Variants in EPRS1 observed in about 807,000 individuals in gnomAD.
EPRS1 encodes glutamyl-prolyl-tRNA synthetase 1, also known as bifunctional glutamate/proline--tRNA ligase.
Under a neutral mutation model 188.3 loss-of-function variants are expected in EPRS1, and 107 were observed. The ratio of observed to expected loss-of-function variants is 0.57; its 90% CI spans 0.49 to 0.67. The LOEUF is 0.67. EPRS1 is among the 30% of genes least tolerant of loss of function. The probability of loss-of-function intolerance (pLI) is 0.00; values close to 1 mark genes in which losing one functional copy is unlikely to be tolerated. For missense variants in EPRS1, 1,577 were observed against 1,802.2 expected (o/e 0.88, Z 2.26); for synonymous variants, 596 against 593.1 (o/e 1.00, Z -0.07).
chr1:220,038,365 A>T (rs541100747), intron 2 of EPRS1, among the ~76,000 whole-genome samples: 14 of 147,378 alleles, frequency 9.5e-5, no homozygotes, highest in African/African-American at 2.8e-4. Context: ...TAAAGGCCTA[A>T]GCCACCACAC....
rs1473008461 is a variant in EPRS1, at chr1:219,997,213, T to C, written c.2311A>G (p.Lys771Glu). 6.2e-7 allele frequency: 1 copy of C among 1,614,132 alleles called. No homozygotes were observed. Residue 771 changes from lysine to glutamate, a missense_variant, in exon 18 of 32, where the codon AAA becomes GAA. By Grantham distance (56) the Lys-to-Glu change is moderately conservative. Transcript: ENST00000366923. Reference protein sequence around the residue: ...GDVVRELKAKKAPKEDVDAAV... With the variant: ...GDVVRELKAKEAPKEDVDAAV... ...GCATCTACATCTTCCTTTGGTGCTTTCTTGGCTTTTAATTCACGAACCACA... is the reference window on the plus strand; with the variant it reads ...GCATCTACATCTTCCTTTGGTGCTTCCTTGGCTTTTAATTCACGAACCACA...
chr1:219,994,407 C>G (rs750525535), intron 18 of EPRS1, among the ~76,000 whole-genome samples: 1 of 152,084 alleles, frequency 6.6e-6, no homozygotes, highest in Non-Finnish European at 1.5e-5. Context: ...AAATAATTAT[C>G]TTGTCTTTAT....
intron 9 of EPRS1, among the ~76,000 whole-genome samples, chr1:220,020,870 A>ATATG (rs1219334636): frequency 2.8e-4 from 22 of 77,302 alleles, no homozygotes; most frequent in Admixed American, 6.9e-4. Context: ...ATATATATAT[A>ATATG]TTAGTGCATT....
intron 15 of EPRS1, 59 bp downstream of exon 15, chr1:220,006,047 A>T (rs571344990): frequency 4.0e-5 from 40 of 988,162 alleles, no homozygotes; most frequent in East Asian, 1.9e-4. Context: ...TATAAAATTA[A>T]TTTTTTTAAT....
rs759167401 is a variant in EPRS1 at position 219,968,797 on chromosome 1, G to A, written c.*9C>T. Reference sequence around the variant, plus strand: ...GAGAGGAGTTGAAGAGGGGGCTTTCGTTCATCCCTCAGTAGCTGCGACCAA... The same window carrying A: ...GAGAGGAGTTGAAGAGGGGGCTTTCATTCATCCCTCAGTAGCTGCGACCAA... On this transcript the variant is annotated 3_prime_UTR_variant, in exon 32 of 32. Transcript: ENST00000366923. 2.5e-6 allele frequency: 4 copies of A among 1,613,726 alleles called. No individual in the cohort carries two copies. The South Asian group carries it at 3.3e-5, about 13-fold the overall frequency.
chr1:220,015,493 A>C (rs1661684976), intron 12 of EPRS1, among the ~76,000 whole-genome samples: 1 of 142,796 alleles, frequency 7.0e-6, no homozygotes, highest in African/African-American at 2.7e-5. Context: ...AAAAGAGAAA[A>C]GACAAGACAA....
chr1:220,046,379 G>T lies in EPRS1; in HGVS notation c.10C>A (p.Leu4Ile). The stretch of plus-strand genomic sequence containing the variant: ...TCTCCTGAATTCACGGTCAGAGAGA[G>T]CGTCGCCATCTCCACCAGTCCGCTG... The part of the protein sequence containing the change: MAT[L>I]SLTVNSGDPP... The change falls in exon 1 of 32, where the codon CTC becomes ATC. Residue 4 changes from leucine (L) to isoleucine (I), a missense_variant. By Grantham distance (5) the Leu-to-Ile change is conservative (BLOSUM62 2). Around this residue, in one of 3 missense-constraint regions of EPRS1, gnomAD observed 1,278 missense variants for 1,457.4 expected, o/e 0.88. Coordinates refer to ENST00000366923, the MANE Select transcript of EPRS1 (RefSeq NM_004446.3). 6.2e-7 allele frequency: 1 copy of T among 1,614,114 alleles called. No individual in the cohort carries two copies. Among genetic ancestry groups the T allele is most frequent in the Non-Finnish European group, 8.5e-7 (1 of 1,180,026 alleles).
chr1:220,007,783 C>T (rs574234447), intron 13 of EPRS1, among the ~76,000 whole-genome samples: 2 of 152,278 alleles, frequency 1.3e-5, no homozygotes, highest in South Asian at 2.1e-4. Context: ...CCCACTGCTT[C>T]GCCGGGCATG....
intron 12 of EPRS1, among the ~76,000 whole-genome samples, chr1:220,015,371 T>C (rs1050061907): frequency 2.0e-5 from 3 of 151,632 alleles, no homozygotes; most frequent in African/African-American, 7.3e-5. Context: ...GCTGAGGCAA[T>C]AGAATTGCTT....
intron 30 of EPRS1, among the ~76,000 whole-genome samples, chr1:219,969,771 C>T (rs1476806903): frequency 6.6e-6 from 1 of 151,918 alleles, no homozygotes; most frequent in African/African-American, 2.4e-5. Context: ...AAATCTCTAG[C>T]TCTGGGTTTT....
intron 6 of EPRS1, 92 bp downstream of exon 6, chr1:220,030,294 A>G (rs1345888881): frequency 2.6e-6 from 2 of 778,626 alleles, no homozygotes; most frequent in African/African-American, 1.8e-5. Context: ...CTTCTATATT[A>G]TTAACCTATT....
chr1:220,006,248 T>G lies in EPRS1; in HGVS notation c.1808A>C (p.Lys603Thr). 1.3e-6 allele frequency: 2 copies of G among 1,598,730 alleles called. No homozygotes were observed. Among genetic ancestry groups the G allele is most frequent in the Non-Finnish European group, 8.5e-7 (1 of 1,171,284 alleles). Reference protein sequence around the residue: ...KLNLENKDYKKTTKVTWLAET... With the variant: ...KLNLENKDYKTTTKVTWLAET... Reference sequence around the variant, plus strand: ...TGCAAGCCAAGTGACCTTAGTGGTTTTCTTGTAGTCTTTGTTTTCCAAATT... The same window carrying G: ...TGCAAGCCAAGTGACCTTAGTGGTTGTCTTGTAGTCTTTGTTTTCCAAATT... The change falls in exon 15 of 32, where the codon AAA (lysine) becomes ACA (threonine). Residue 603 changes from lysine (K) to threonine (T), a missense_variant. This residue lies in a region of EPRS1 where 1,278 missense variants were observed against 1,457.4 expected (regional missense o/e 0.88). Transcript: ENST00000366923.
intron 6 of EPRS1, among the ~76,000 whole-genome samples, chr1:220,025,609 C>T (rs540656720): frequency 8.6e-5 from 13 of 152,014 alleles, no homozygotes; most frequent in African/African-American, 2.4e-4. Flanking sequence ...TTGTTTCCAA[C>T]GCTACCTTCC....
chr1:219,989,314 T>G (rs1661074496), intron 18 of EPRS1, among the ~76,000 whole-genome samples: 1 of 152,128 alleles, frequency 6.6e-6, no homozygotes, highest in Non-Finnish European at 1.5e-5. Flanking sequence ...GAAAGCATGT[T>G]GAAGTTTTTA....
intron 22 of EPRS1, 56 bp downstream of exon 22, chr1:219,983,133 A>G: frequency 7.1e-7 from 1 of 1,405,298 alleles, no homozygotes; most frequent in African/African-American, 1.4e-5. Context: ...AGTTGAAAAT[A>G]TATTTTCCAG....
intron 1 of EPRS1, among the ~76,000 whole-genome samples, chr1:220,042,989 T>C (rs1170110365): frequency 9.2e-5 from 14 of 152,120 alleles, no homozygotes; most frequent in Non-Finnish European, 7.3e-5. Flanking sequence ...CAAAAAGATA[T>C]ATGAATTTCA....
Position 219,987,408 on chromosome 1 carries a change from T to C in EPRS1, c.2776-4A>G, listed in dbSNP as rs1393776662. The C allele has an allele frequency of 1.3e-6, 2 of 1,583,300 alleles. No individual in the cohort carries two copies. Among genetic ancestry groups the C allele is most frequent in the South Asian group, 2.3e-5 (2 of 85,460 alleles). ...GAACAGCTATATCTACTTGATCCTT[T>C]AGTTTAACAAAAGAGGAAAAAGAGA... On this transcript the variant is annotated splice_polypyrimidine_tract_variant and splice_region_variant and intron_variant, in intron 19 of 31. Transcript: ENST00000366923.
intron 6 of EPRS1, among the ~76,000 whole-genome samples, chr1:220,026,115 A>G (rs913538685): frequency 6.6e-6 from 1 of 152,136 alleles, no homozygotes; most frequent in African/African-American, 2.4e-5. Flanking sequence ...TTTAACTTTA[A>G]TTTTTTAACT....
At chr1:219,975,612 T>C (rs760949021) in intron 28 of EPRS1, among the ~76,000 whole-genome samples, 17 of 152,100 alleles carry the variant, frequency 1.1e-4, no homozygotes, top group Non-Finnish European at 2.1e-4. Context: ...AATTTTTCTA[T>C]TTTTAGCAGA....
Sources: allele counts gnomAD v4.1 joint callset (sites outside exome capture counted in the v4.1 genomes callset), GRCh38; gene constraint gnomAD v4.1.1; regional missense constraint gnomAD v4.1.1; transcripts MANE v1.5; gene names NCBI Gene and HGNC (gene_info 2026-07-23, HGNC 2026-07-21).